GABBR2: variants seen among roughly 807,000 people sequenced by gnomAD.
The protein encoded by GABBR2 is gamma-aminobutyric acid type B receptor subunit 2.
Under a neutral mutation model 105.6 loss-of-function variants are expected in GABBR2, and 23 were observed. That is an observed-to-expected ratio of 0.22 (90% CI 0.16 to 0.31). GABBR2 has a LOEUF of 0.31. Among genes scored for constraint, GABBR2 ranks in the 10% least tolerant of loss-of-function variants. The pLI is 1.00. For synonymous variants in GABBR2, 478 were observed against 499.7 expected, an observed-to-expected ratio of 0.96 and a Z score of 0.58; for missense variants, 734 against 1,245.5, an observed-to-expected ratio of 0.59 and a Z score of 6.18.
At chr9:98,344,067 C>G (rs1364790237) in intron 13 of GABBR2, among the ~76,000 whole-genome samples, 1 of 152,112 alleles carries the variant, frequency 6.6e-6, no homozygotes, top group African/African-American at 2.4e-5. Context: ...TGAGCTTCTG[C>G]TAGGTCTTCT....
intron 1 of GABBR2, among the ~76,000 whole-genome samples, chr9:98,621,509 G>A (rs775758519): frequency 4.6e-5 from 7 of 152,184 alleles, no homozygotes; most frequent in South Asian, 4.1e-4. Context: ...TTCACAGAGC[G>A]CAAAACAGAA....
intron 3 of GABBR2, among the ~76,000 whole-genome samples, chr9:98,525,889 C>T (rs1277496198): frequency 6.6e-6 from 1 of 152,126 alleles, no homozygotes; most frequent in Non-Finnish European, 1.5e-5. Context: ...AAACATTATG[C>T]TAAGTGAAAT....
chr9:98,343,587 C>T (rs1025915961), intron 13 of GABBR2, among the ~76,000 whole-genome samples: 34 of 152,154 alleles, frequency 2.2e-4, no homozygotes, highest in Non-Finnish European at 4.1e-4. Context: ...TGGCCGGGCG[C>T]GGTGGCTCAC....
intron 7 of GABBR2, among the ~76,000 whole-genome samples, chr9:98,439,524 C>A (rs569448339): frequency 6.6e-6 from 1 of 152,296 alleles, no homozygotes; most frequent in South Asian, 2.1e-4. Flanking sequence ...GTAAAATCTC[C>A]TTTGAAAAAC....
chr9:98,336,377 T>G (rs1831114956), intron 13 of GABBR2, among the ~76,000 whole-genome samples: 1 of 152,164 alleles, frequency 6.6e-6, no homozygotes, highest in South Asian at 2.1e-4. Flanking sequence ...TTGGAGAATT[T>G]TAAGTGCAAA....
At chr9:98,671,825 T>C (rs1356485063) in intron 1 of GABBR2, among the ~76,000 whole-genome samples, 1 of 152,194 alleles carries the variant, frequency 6.6e-6, no homozygotes, top group Admixed American at 6.5e-5. Context: ...AAGAAGTCCA[T>C]GAGGTTGTGG....
intron 6 of GABBR2, among the ~76,000 whole-genome samples, chr9:98,468,916 G>A (rs1826611421): frequency 6.6e-6 from 1 of 152,192 alleles, no homozygotes. Context: ...GCATGGCAGA[G>A]GGGAAGGGGC....
At chr9:98,438,645 G>T (rs1825976580) in intron 7 of GABBR2, among the ~76,000 whole-genome samples, 1 of 152,128 alleles carries the variant, frequency 6.6e-6, no homozygotes, top group Admixed American at 6.5e-5. Flanking sequence ...TGCTGCTGGG[G>T]TCTGAGGGCC....
intron 13 of GABBR2, among the ~76,000 whole-genome samples, chr9:98,349,970 A>G (rs1223041083): frequency 6.6e-6 from 1 of 151,850 alleles, no homozygotes; most frequent in Non-Finnish European, 1.5e-5. Flanking sequence ...TTCCGATTCA[A>G]TCTTGGTAGG....
chr9:98,564,369 G>T (rs1190105752), intron 2 of GABBR2, among the ~76,000 whole-genome samples: 1 of 152,196 alleles, frequency 6.6e-6, no homozygotes, highest in African/African-American at 2.4e-5. Context: ...CTGAGAACAG[G>T]CCTAACTGGG....
intron 7 of GABBR2, among the ~76,000 whole-genome samples, chr9:98,432,914 C>T (rs1336819): frequency 0.082 from 12,504 of 152,082 alleles, 950 homozygotes; most frequent in East Asian, 0.22. Context: ...AGTGTGAGCC[C>T]GAGGAGAGGA....
intron 6 of GABBR2, among the ~76,000 whole-genome samples, chr9:98,465,066 A>G (rs1380336337): frequency 1.4e-5 from 2 of 138,016 alleles, no homozygotes; most frequent in Non-Finnish European, 3.0e-5. Context: ...CTATTACCCT[A>G]TGACTCTGCC....
intron 1 of GABBR2, among the ~76,000 whole-genome samples, chr9:98,640,940 C>T (rs1049675773): frequency 6.6e-6 from 1 of 152,096 alleles, no homozygotes; most frequent in African/African-American, 2.4e-5. Flanking sequence ...CTCAGTTTCC[C>T]CGTTTGCAAA....
At chr9:98,325,283 CTT>C (rs886288539) in intron 13 of GABBR2, among the ~76,000 whole-genome samples, 249 of 67,592 alleles carry the variant, frequency 3.7e-3, no homozygotes, top group African/African-American at 0.014. Context: ...GACAGCAATT[CTT>C]TTTTTTTTTT....
chr9:98,469,861 A>T (rs937293523), intron 6 of GABBR2, among the ~76,000 whole-genome samples: 3 of 152,178 alleles, frequency 2.0e-5, no homozygotes, highest in African/African-American at 7.2e-5. Context: ...TTTCATGGAC[A>T]TCGATGGATC....
intron 3 of GABBR2, among the ~76,000 whole-genome samples, chr9:98,505,687 GCA>G (rs1216872498): frequency 6.6e-6 from 1 of 152,156 alleles, no homozygotes; most frequent in Non-Finnish European, 1.5e-5. Flanking sequence ...GAGACTTGGG[GCA>G]CAGAGACATG....
At chr9:98,352,530 G>A (rs1275605737) in intron 13 of GABBR2, among the ~76,000 whole-genome samples, 1 of 152,118 alleles carries the variant, frequency 6.6e-6, no homozygotes, top group African/African-American at 2.4e-5. Context: ...TAGCACATGT[G>A]GGTGGTGATG....
chr9:98,363,672 T>C (rs1224752157), intron 12 of GABBR2, among the ~76,000 whole-genome samples: 1 of 152,198 alleles, frequency 6.6e-6, no homozygotes, highest in African/African-American at 2.4e-5. Context: ...TACCGGGGCC[T>C]GGTATGCAGT....
chr9:98,632,644 T>C (rs1829829052), intron 1 of GABBR2, among the ~76,000 whole-genome samples: 1 of 152,192 alleles, frequency 6.6e-6, no homozygotes, highest in African/African-American at 2.4e-5. Flanking sequence ...GTGGAAAGGC[T>C]GTGGTCAGGT....
Sources: gnomAD v4.1 joint callset for allele counts (sites outside exome capture counted in the v4.1 genomes callset) on GRCh38, gnomAD v4.1.1 for gene constraint, MANE v1.5 for transcripts, NCBI Gene and HGNC (gene_info 2026-07-23, HGNC 2026-07-21) for gene names.